Variants in ALDH18A1 observed in about 807,000 individuals in gnomAD.
ALDH18A1 encodes the protein delta-1-pyrroline-5-carboxylate synthase.
In ALDH18A1, 44 loss-of-function variants were observed where a neutral mutation model predicts 88.8. That is an observed-to-expected ratio of 0.50 (90% CI 0.39 to 0.64). The LOEUF (loss-of-function observed/expected upper bound fraction) is 0.64. Among genes scored for constraint, ALDH18A1 ranks in the 30% least tolerant of loss-of-function variants. The probability of loss-of-function intolerance (pLI) is 0.00; values close to 1 mark genes in which losing one functional copy is unlikely to be tolerated. For missense variants in ALDH18A1, 782 were observed against 1,009.5 expected, an observed-to-expected ratio of 0.77 and a Z score of 3.05; for synonymous variants, 331 against 372.1, an observed-to-expected ratio of 0.89 and a Z score of 1.27.
At chr10:95,620,812 G>T (rs1426482022) in intron 12 of ALDH18A1, among the ~76,000 whole-genome samples, 1 of 150,850 alleles carries the variant, frequency 6.6e-6, no homozygotes, top group African/African-American at 2.4e-5. Context: ...CTGGGGGAGG[G>T]ATAGCATTAG....
Position 95,641,152 on chromosome 10 carries a change from T to C in ALDH18A1, c.303+1840A>G, listed in dbSNP as rs2097890564. ...GTAGCATGGAACTTTTCCCCTCTGT[T>C]TGTGCAAATCCCATCAGTTGTCAAG... On this transcript the variant is annotated intron_variant, in intron 3 of 17. Transcript: ENST00000371224. 3.3e-5 allele frequency among the ~76,000 whole-genome samples: 5 copies of C among 152,130 alleles called. No individual in the cohort carries two copies. The South Asian group carries it at 1.0e-3, about 31-fold the overall frequency.
At position 95,614,131 on chromosome 10, in the gene ALDH18A1, A is replaced by G. The variant is rs753157831; in HGVS notation, c.1636T>C (p.Cys546Arg). Reference sequence around the variant, plus strand: ...AGATCTATCATTTTGTCTAGGCGGCAAAGATCTTCAACTTCTTCTCTGGTA... The same window carrying G: ...AGATCTATCATTTTGTCTAGGCGGCGAAGATCTTCAACTTCTTCTCTGGTA... ...VNTREEVEDL[C>R]RLDKMIDLII... Residue 546 changes from cysteine to arginine, a missense_variant, in exon 14 of 18, where the codon TGC becomes CGC. Physicochemically the swap from Cys to Arg is radical, Grantham distance 180. Around this residue, in one of 3 missense-constraint regions of ALDH18A1, gnomAD observed 556 missense variants for 654.5 expected, o/e 0.85. Coordinates refer to ENST00000371224, the MANE Select transcript of ALDH18A1 (RefSeq NM_002860.4). 21 of 1,614,114 alleles carry G rather than the reference A, an allele frequency of 1.3e-5. No individual in the cohort carries two copies. The highest frequency in any genetic ancestry group is 2.5e-6 in the Non-Finnish European group (3 of 1,180,046).
intron 2 of ALDH18A1, among the ~76,000 whole-genome samples, chr10:95,650,818 A>G (rs756832071): frequency 6.6e-6 from 1 of 152,204 alleles, no homozygotes; most frequent in African/African-American, 2.4e-5. Context: ...ATAGTTTAAA[A>G]AAAAAACAAC....
At chr10:95,652,999 C>T (rs1427576631) in intron 2 of ALDH18A1, among the ~76,000 whole-genome samples, 1 of 151,930 alleles carries the variant, frequency 6.6e-6, no homozygotes, top group Non-Finnish European at 1.5e-5. Flanking sequence ...CCAGCCTGGG[C>T]AACATGGCAA....
chr10:95,632,200 T>G (rs1049800521), intron 7 of ALDH18A1, among the ~76,000 whole-genome samples: 4 of 152,148 alleles, frequency 2.6e-5, no homozygotes, highest in Non-Finnish European at 5.9e-5. Context: ...GAAAATATAC[T>G]GGAGACTGCC....
intron 2 of ALDH18A1, among the ~76,000 whole-genome samples, chr10:95,645,755 G>A (rs891568441): frequency 6.6e-6 from 1 of 152,022 alleles, no homozygotes; most frequent in Non-Finnish European, 1.5e-5. Flanking sequence ...GCCATCATCT[G>A]GGATGGAACT....
intron 13 of ALDH18A1, 46 bp from the exon 14 acceptor site, chr10:95,614,207 C>A (rs769532619): frequency 1.9e-6 from 3 of 1,592,698 alleles, no homozygotes; most frequent in Admixed American, 1.7e-5. Context: ...TCTGACCACA[C>A]AAAATATAAA....
chr10:95,655,608 A>G (rs1484714082), intron 1 of ALDH18A1, among the ~76,000 whole-genome samples: 2 of 103,612 alleles, frequency 1.9e-5, no homozygotes, highest in Non-Finnish European at 4.4e-5. Context: ...CCCCTGTACC[A>G]CCATCTCTGA....
chr10:95,625,021 A>G (rs767736800), intron 11 of ALDH18A1, among the ~76,000 whole-genome samples: 1 of 152,224 alleles, frequency 6.6e-6, no homozygotes, highest in Non-Finnish European at 1.5e-5. Context: ...CCATTAGCAC[A>G]GTGCCTGTCA....
chr10:95,633,715 A>G, intron 5 of ALDH18A1, 66 bp from the exon 6 acceptor site: 1 of 1,569,222 alleles, frequency 6.4e-7, no homozygotes, highest in Non-Finnish European at 8.7e-7. Context: ...AGTATACAAA[A>G]GACGCTAAGA....
chr10:95,619,482 C>A (rs563510512), intron 12 of ALDH18A1, among the ~76,000 whole-genome samples: 6 of 152,312 alleles, frequency 3.9e-5, no homozygotes, highest in African/African-American at 1.2e-4. Context: ...ATTGCCAAGA[C>A]AATCCTAAGC....
chr10:95,645,635 C>T (rs2097900050), intron 2 of ALDH18A1, among the ~76,000 whole-genome samples: 1 of 152,130 alleles, frequency 6.6e-6, no homozygotes, highest in Non-Finnish European at 1.5e-5. Context: ...CCTTAAATAA[C>T]CGTTTTTCAA....
At chr10:95,649,164 A>T (rs550311029) in intron 2 of ALDH18A1, among the ~76,000 whole-genome samples, 1 of 152,302 alleles carries the variant, frequency 6.6e-6, no homozygotes, top group Non-Finnish European at 1.5e-5. Context: ...AACTAGTATT[A>T]AAAGTTGAAA....
In ALDH18A1 at chr10:95,611,363, T is replaced by C. The variant is rs150980819; in HGVS notation, c.2003A>G (p.Tyr668Cys). ...PSEVKSLRTEYGDLELCIEVV... is the reference protein window; with the variant it reads ...PSEVKSLRTECGDLELCIEVV... ...TTCAATGCATAATTCCAGGTCCCCA[T>C]ACTCAGTTCGGAGTGACTTCACTTC... The change falls in exon 16 of 18, where the codon TAT (tyrosine) becomes TGT (cysteine). Residue 668 changes from tyrosine (Y) to cysteine (C), a missense_variant. By Grantham distance (194) the Tyr-to-Cys change is radical. Coordinates refer to ENST00000371224, the MANE Select transcript of ALDH18A1 (RefSeq NM_002860.4). The C allele has an allele frequency of 6.2e-7, 1 of 1,614,218 alleles. No individual in the cohort carries two copies. The highest frequency in any genetic ancestry group is 1.1e-5 in the South Asian group (1 of 91,090).
chr10:95,643,313 A>G, intron 2 of ALDH18A1, 107 bp from the exon 3 acceptor site: 1 of 1,063,894 alleles, frequency 9.4e-7, no homozygotes, highest in Non-Finnish European at 1.4e-6. Context: ...AAAAAATAGC[A>G]TTATCATTAT....
At chr10:95,641,730 C>T (rs142259781) in intron 3 of ALDH18A1, among the ~76,000 whole-genome samples, 5,112 of 152,170 alleles carry the variant, frequency 0.034, 117 homozygotes, top group Non-Finnish European at 0.049. Context: ...CCTCAATCTC[C>T]CAGGCTCAAG....
chr10:95,655,370 C>T, intron 1 of ALDH18A1, among the ~76,000 whole-genome samples: 1 of 152,140 alleles, frequency 6.6e-6, no homozygotes, highest in Non-Finnish European at 1.5e-5. Flanking sequence ...CTCCTTTTGT[C>T]TTTTAGGCAC....
chr10:95,655,681 A>AGTGTGTGTGT (rs3838754), intron 1 of ALDH18A1, among the ~76,000 whole-genome samples: 63 of 150,278 alleles, frequency 4.2e-4, no homozygotes, highest in African/African-American at 1.5e-3. Flanking sequence ...GAGCAAAGAG[A>AGTGTGTGTGT]GTGTGTGTGT....
chr10:95,613,318 T>C (rs1353217638), intron 15 of ALDH18A1, among the ~76,000 whole-genome samples: 2 of 152,234 alleles, frequency 1.3e-5, no homozygotes, highest in Non-Finnish European at 2.9e-5. Context: ...TACACTAATA[T>C]TGGTAACCAA....
Sources: allele counts gnomAD v4.1 joint callset (sites outside exome capture counted in the v4.1 genomes callset), GRCh38; gene constraint gnomAD v4.1.1; regional missense constraint gnomAD v4.1.1; transcripts MANE v1.5; gene names NCBI Gene and HGNC (gene_info 2026-07-23, HGNC 2026-07-21).